The following MDGA1 variants were observed in gnomAD, a reference collection of about 807,000 sequenced individuals.
The protein encoded by MDGA1 is MAM domain-containing glycosylphosphatidylinositol anchor protein 1.
Under a neutral mutation model 101.5 loss-of-function variants are expected in MDGA1, and 54 were observed. The observed-to-expected ratio is 0.53, with a 90% CI of 0.43 to 0.67. The LOEUF (loss-of-function observed/expected upper bound fraction) is 0.67. Ranked by LOEUF, MDGA1 falls within the 30% of genes least tolerant of loss-of-function variation. The pLI, the probability that MDGA1 is intolerant of heterozygous loss-of-function variation, is 0.00. For synonymous variants in MDGA1, 533 were observed against 558.3 expected (o/e 0.95, Z 0.64); for missense variants, 1,083 against 1,323.8 (o/e 0.82, Z 2.82).
In MDGA1 at chr6:37,644,648, G is replaced by A. The variant is rs771623062; in HGVS notation, c.2250C>T (p.Asp750=). 1.3e-5 allele frequency: 20 copies of A among 1,575,458 alleles called. No individual in the cohort carries two copies. In the East Asian group the frequency reaches 1.9e-4, roughly 15 times the overall value. The change falls in exon 13 of 17, where the codon GAC becomes GAT. Residue 750 remains aspartate, a splice_region_variant and synonymous_variant. Transcript: ENST00000434837. ...TEPINSPNLS[D]NTCHFEDEKI... is the part of the protein sequence containing the mutation. Reference sequence around the variant, plus strand: ...TCTCATCCTCAAAGTGGCAGGTGTTGTCTGCATTTTATGGGGCGAATGAGA... The same window carrying A: ...TCTCATCCTCAAAGTGGCAGGTGTTATCTGCATTTTATGGGGCGAATGAGA...
intron 1 of MDGA1, among the ~76,000 whole-genome samples, chr6:37,691,099 C>T (rs1762299779): frequency 6.6e-6 from 1 of 152,170 alleles, no homozygotes; most frequent in South Asian, 2.1e-4. Context: ...TCCCCTTCTC[C>T]TTCCATCTTA....
chr6:37,689,703 T>A (rs373823610), intron 1 of MDGA1, among the ~76,000 whole-genome samples: 2 of 152,218 alleles, frequency 1.3e-5, no homozygotes, highest in East Asian at 3.8e-4. Flanking sequence ...TGACTTCCAG[T>A]GGCTTTTGTT....
rs1442129769 is a variant in MDGA1, at chr6:37,634,224, G to C, written c.*3144C>G. On this transcript the variant is annotated 3_prime_UTR_variant, in exon 17 of 17. Coordinates refer to ENST00000434837, the MANE Select transcript of MDGA1 (RefSeq NM_153487.4). This position sits in a 1 kb window ranked among gnomAD's most constrained non-coding sequence, Gnocchi z 4.7. ...ACCTGAAGGGGACAAGGGATGGAAGGGCCCCAGCACCCTGAGGGCTGACCC... is the reference window on the plus strand; with the variant it reads ...ACCTGAAGGGGACAAGGGATGGAAGCGCCCCAGCACCCTGAGGGCTGACCC... The C allele has an allele frequency of 6.5e-6, 1 of 152,720 alleles. No homozygotes were observed. Among genetic ancestry groups the C allele is most frequent in the Non-Finnish European group, 1.5e-5 (1 of 68,146 alleles). The allele number at this position is 152,720 out of a possible 1,614,324, so 9.5% of individuals were successfully genotyped here.
rs752045886 is a variant in MDGA1 at position 37,637,364 on chromosome 6, C to T, written c.*4G>A. The T allele has an allele frequency of 2.1e-5, 34 of 1,612,330 alleles. No homozygotes were observed. Among genetic ancestry groups the T allele is most frequent in the African/African-American group, 9.3e-5 (7 of 74,904 alleles). On this transcript the variant is annotated 3_prime_UTR_variant, in exon 17 of 17. Transcript: ENST00000434837. ...AGGTTGGGGGGGTGGCCACACAGCTCTCATCATCTCTGCAACGCCAAGAGG... is the reference window on the plus strand; with the variant it reads ...AGGTTGGGGGGGTGGCCACACAGCTTTCATCATCTCTGCAACGCCAAGAGG...
chr6:37,669,729 G>A (rs892001973), intron 1 of MDGA1, among the ~76,000 whole-genome samples: 9 of 152,160 alleles, frequency 5.9e-5, no homozygotes, highest in African/African-American at 2.2e-4. Flanking sequence ...GGCAACCCAG[G>A]CAGGGCTGTT....
At chr6:37,644,718 C>G in intron 12 of MDGA1, 69 bp from the exon 13 acceptor site, 1 of 1,400,092 alleles carries the variant, frequency 7.1e-7, no homozygotes, top group African/African-American at 1.5e-5. Flanking sequence ...CCTCGCCCCT[C>G]TCACCCCCCA....
At chr6:37,681,329 C>G (rs973513735) in intron 1 of MDGA1, among the ~76,000 whole-genome samples, 11 of 152,140 alleles carry the variant, frequency 7.2e-5, no homozygotes, top group East Asian at 1.9e-4. Context: ...CCCTGCCCCC[C>G]CTCTTCAGGT....
At chr6:37,668,874 G>C (rs903485729) in intron 1 of MDGA1, among the ~76,000 whole-genome samples, 7 of 152,032 alleles carry the variant, frequency 4.6e-5, no homozygotes, top group Non-Finnish European at 1.0e-4. Flanking sequence ...TTGAGACGGA[G>C]TCTAGCTCTG....
intron 14 of MDGA1, among the ~76,000 whole-genome samples, chr6:37,642,881 G>A (rs1311359942): frequency 1.3e-5 from 2 of 152,176 alleles, no homozygotes; most frequent in African/African-American, 4.8e-5. Context: ...CCTGATACCT[G>A]GAACTGAGCA....
In MDGA1 at chr6:37,630,987, CA is replaced by C. The variant is rs1763815245; in HGVS notation, c.*6380del. On this transcript the variant is annotated 3_prime_UTR_variant, in exon 17 of 17. Transcript: ENST00000434837. ...AAGGCATCTTCAACTCAGCATGTCA[CA>C]TTCTATTGCACAAACAAGGCACTAA... 1 of 152,226 alleles carries C rather than the reference CA, an allele frequency of 6.6e-6. No individual in the cohort carries two copies. The highest frequency in any genetic ancestry group is 2.4e-5 in the African/African-American group (1 of 41,444). The allele number at this position is 152,226 out of a possible 1,614,324, so 9.4% of individuals were successfully genotyped here. A position where few individuals can be genotyped will look rare whatever the true frequency, so the allele number is the denominator to read the frequency against.
chr6:37,672,310 G>T (rs1431066217), intron 1 of MDGA1, among the ~76,000 whole-genome samples: 1 of 151,716 alleles, frequency 6.6e-6, no homozygotes, highest in Non-Finnish European at 1.5e-5. Context: ...TTAATGAGCT[G>T]GGCATGGTGC....
At chr6:37,689,416 T>A (rs144802609) in intron 1 of MDGA1, among the ~76,000 whole-genome samples, 1 of 152,332 alleles carries the variant, frequency 6.6e-6, no homozygotes, top group African/African-American at 2.4e-5. Flanking sequence ...CAGAATCCCA[T>A]GAAGTTCAAA....
chr6:37,644,392 C>A, intron 13 of MDGA1, 105 bp downstream of exon 13: 2 of 1,224,406 alleles, frequency 1.6e-6, no homozygotes, highest in Non-Finnish European at 1.1e-6. Flanking sequence ...GGCTGCGTCT[C>A]CCTCAGACTG....
chr6:37,635,375 G>A lies in MDGA1; in HGVS notation c.*1993C>T, dbSNP rs1440294344. The A allele has an allele frequency of 2.5e-5, 10 of 397,882 alleles. No homozygotes were observed. Among genetic ancestry groups the A allele is most frequent in the Non-Finnish European group, 4.4e-5 (10 of 226,148 alleles). The allele number at this position is 397,882 out of a possible 1,614,324, so 24.6% of individuals were successfully genotyped here. A position where few individuals can be genotyped will look rare whatever the true frequency, so the allele number is the denominator to read the frequency against. ...GAGGAGGAGCTCACAGTCTAGTTGG[G>A]GCAATGGACTCTGCACAGATGGGAC... On this transcript the variant is annotated 3_prime_UTR_variant, in exon 17 of 17. Coordinates refer to ENST00000434837, the MANE Select transcript of MDGA1 (RefSeq NM_153487.4).
At chr6:37,649,800 C>T in intron 8 of MDGA1, 4 of 589,016 alleles carry the variant, frequency 6.8e-6, no homozygotes, top group South Asian at 6.8e-5. Flanking sequence ...ATCCTGTTAT[C>T]AGACAGTGTT....
chr6:37,653,600 AAAAAG>A (rs568721255), intron 6 of MDGA1, among the ~76,000 whole-genome samples: 125 of 152,360 alleles, frequency 8.2e-4, no homozygotes, highest in Non-Finnish European at 1.2e-3. Context: ...ATATTTTAAA[AAAAAG>A]AAAAGAAAAC....
In MDGA1 at chr6:37,640,372, G is replaced by A. The variant is rs547113640; in HGVS notation, c.2537-1705C>T. The stretch of plus-strand genomic sequence containing the variant: ...GCAAAGCTCATTCTTTTTTCGGAGG[G>A]GGCGGTGCGGGGACAGGGTCTTGGT... On this transcript the variant is annotated intron_variant, in intron 14 of 16. Coordinates refer to ENST00000434837, the MANE Select transcript of MDGA1 (RefSeq NM_153487.4). Among the ~76,000 whole-genome samples the A allele has an allele frequency of 2.6e-5, 4 of 151,984 alleles. No individual in the cohort carries two copies. In the East Asian group the frequency reaches 5.8e-4, roughly 22 times the overall value.
intron 2 of MDGA1, among the ~76,000 whole-genome samples, chr6:37,658,694 G>A (rs1462649052): frequency 2.0e-5 from 3 of 152,314 alleles, no homozygotes; most frequent in East Asian, 3.9e-4. Flanking sequence ...GGATTCGGCC[G>A]GGCACGGTGG....
chr6:37,640,771 G>T (rs974844216), intron 14 of MDGA1, among the ~76,000 whole-genome samples: 3 of 152,120 alleles, frequency 2.0e-5, no homozygotes, highest in Non-Finnish European at 4.4e-5. Flanking sequence ...TTGGGGCAGG[G>T]CAGTGGAGGA....
Sources: gnomAD v4.1 joint callset for allele counts (sites outside exome capture counted in the v4.1 genomes callset) on GRCh38, gnomAD v4.1.1 for gene constraint, Gnocchi (gnomAD v3.1) non-coding constraint, MANE v1.5 for transcripts, NCBI Gene and HGNC (gene_info 2026-07-23, HGNC 2026-07-21) for gene names.